The following IGSF3 variants were observed in gnomAD, a reference collection of about 807,000 sequenced individuals.
IGSF3 encodes the protein glu-Trp-Ile EWI motif-containing protein 3.
A neutral mutation model predicts 114.4 loss-of-function variants in IGSF3; 23 were observed. That is an observed-to-expected ratio of 0.20 (90% CI 0.14 to 0.28). The LOEUF is 0.28. IGSF3 is among the 10% of genes least tolerant of loss of function. The pLI is 1.00. For missense variants in IGSF3, 1,172 were observed against 1,591.5 expected, an observed-to-expected ratio of 0.74 and a Z score of 4.48; for synonymous variants, 571 against 645.2, an observed-to-expected ratio of 0.88 and a Z score of 1.74.
chr1:116,639,996 C>T (rs1354065697), intron 2 of IGSF3, among the ~76,000 whole-genome samples: 1 of 141,710 alleles, frequency 7.1e-6, no homozygotes, highest in Non-Finnish European at 1.5e-5. Context: ...GCCGAGATGG[C>T]ACCGCGGCAC....
rs1557861722 is a variant in IGSF3, at chr1:116,594,199, G to A, written c.2030-5095C>T. Among the ~76,000 whole-genome samples the A allele has an allele frequency of 2.0e-5, 3 of 152,138 alleles. No homozygotes were observed. Among genetic ancestry groups the A allele is most frequent in the Admixed American group, 6.5e-5 (1 of 15,274 alleles). ...CTGTCAGTGTGCATTTAGAGACAGC[G>A]TTGACTGTGACTGTGCCTCCTAGCA... On this transcript the variant is annotated intron_variant, in intron 7 of 10. Coordinates refer to ENST00000369486, the MANE Select transcript of IGSF3 (RefSeq NM_001007237.3). This position sits in a 1 kb window ranked among gnomAD's most constrained non-coding sequence, Gnocchi z 5.2.
chr1:116,595,582 A>C lies in IGSF3; in HGVS notation c.2029+4359T>G, dbSNP rs546424955. ...CAGAGGGTATTAAATATTCATCCTG[A>C]CTGCCCATCAGTAAAATCCCAGCAG... On this transcript the variant is annotated intron_variant, in intron 7 of 10. Coordinates refer to ENST00000369486, the MANE Select transcript of IGSF3 (RefSeq NM_001007237.3). This position sits in a 1 kb window ranked among gnomAD's most constrained non-coding sequence, Gnocchi z 4.2. 6.6e-6 allele frequency among the ~76,000 whole-genome samples: 1 copy of C among 152,334 alleles called. No homozygotes were observed. The highest frequency in any genetic ancestry group is 2.1e-4 in the South Asian group (1 of 4,830).
rs1259463627 is a variant in IGSF3, at chr1:116,576,993, T to C, written c.*319A>G. 3.5e-6 allele frequency: 1 copy of C among 288,332 alleles called. No individual in the cohort carries two copies. The highest frequency in any genetic ancestry group is 5.3e-5 in the South Asian group (1 of 18,754). 17.9% of individuals were successfully genotyped at this position (288,332 alleles called of 1,614,324 possible). A position where few individuals can be genotyped will look rare whatever the true frequency, so the allele number is the denominator to read the frequency against. Reference sequence around the variant, plus strand: ...GTACATTACAAAGAATAAGAAGCCCTGTAACATCTATCTGAGAATACTAGA... The same window carrying C: ...GTACATTACAAAGAATAAGAAGCCCCGTAACATCTATCTGAGAATACTAGA... On this transcript the variant is annotated 3_prime_UTR_variant, in exon 11 of 11. Coordinates refer to ENST00000369486, the MANE Select transcript of IGSF3 (RefSeq NM_001007237.3). The surrounding 1 kb of genome is among the most constrained non-coding windows in gnomAD (Gnocchi z 4.6).
At position 116,577,519 on chromosome 1, in the gene IGSF3, G is replaced by T. The variant is rs777428801; in HGVS notation, c.3378C>A (p.Phe1126Leu). 7 of 1,614,062 alleles carry T rather than the reference G, an allele frequency of 4.3e-6. No individual in the cohort carries two copies. In the South Asian group the frequency reaches 7.7e-5, roughly 18 times the overall value. Reference sequence around the variant, plus strand: ...GGAAAGGGTAGAAGAAGACGAAGTAGAAGAGTGCGTCGTTGGAGCAGATGA... The same window carrying T: ...GGAAAGGGTAGAAGAAGACGAAGTATAAGAGTGCGTCGTTGGAGCAGATGA... ...QSIICSNDAL[F>L]YFVFFYPFPI... The change falls in exon 11 of 11, where the codon TTC (phenylalanine) becomes TTA (leucine). Residue 1126 changes from phenylalanine to leucine, a missense_variant. Coordinates refer to ENST00000369486, the MANE Select transcript of IGSF3 (RefSeq NM_001007237.3). The surrounding 1 kb of genome is among the most constrained non-coding windows in gnomAD (Gnocchi z 5.7).
chr1:116,633,208 TC>T lies in IGSF3; in HGVS notation c.44-16752del, dbSNP rs956683109. Among the ~76,000 whole-genome samples the T allele has an allele frequency of 4.6e-5, 7 of 152,186 alleles. No individual in the cohort carries two copies. The highest frequency in any genetic ancestry group is 1.7e-4 in the African/African-American group (7 of 41,456). On this transcript the variant is annotated intron_variant, in intron 2 of 10. Coordinates refer to ENST00000369486, the MANE Select transcript of IGSF3 (RefSeq NM_001007237.3). The surrounding 1 kb of genome is among the most constrained non-coding windows in gnomAD (Gnocchi z 4.3). Reference sequence around the variant, plus strand: ...TCCTACATTCCAGCCATTTGGGATGTCCTGGGTTCAACCATTCCCACCCACT... The same window carrying T: ...TCCTACATTCCAGCCATTTGGGATGTCTGGGTTCAACCATTCCCACCCACT...
intron 2 of IGSF3, among the ~76,000 whole-genome samples, chr1:116,630,168 G>C (rs1647492071): frequency 1.3e-5 from 2 of 152,206 alleles, no homozygotes; most frequent in Non-Finnish European, 2.9e-5. Flanking sequence ...CTCTGACAAA[G>C]CAGTGATGGT....
Position 116,594,213 on chromosome 1 carries a change from T to TGCCTCC in IGSF3, c.2030-5115_2030-5110dup, listed in dbSNP as rs1478093195. On this transcript the variant is annotated intron_variant, in intron 7 of 10. Transcript: ENST00000369486. The surrounding 1 kb of genome is among the most constrained non-coding windows in gnomAD (Gnocchi z 5.2). Reference sequence around the variant, plus strand: ...TTAGAGACAGCGTTGACTGTGACTGTGCCTCCTAGCATAGCTGTCCTGAGC... The same window carrying TGCCTCC: ...TTAGAGACAGCGTTGACTGTGACTGTGCCTCCGCCTCCTAGCATAGCTGTCCTGAGC... Among the ~76,000 whole-genome samples, 1 of 152,192 alleles carries TGCCTCC rather than the reference T, an allele frequency of 6.6e-6. No individual in the cohort carries two copies.
chr1:116,617,516 T>C (rs997077899), intron 2 of IGSF3, among the ~76,000 whole-genome samples: 1 of 152,182 alleles, frequency 6.6e-6, no homozygotes, highest in African/African-American at 2.4e-5. Flanking sequence ...TCTCCAGACC[T>C]TGATCTTCTC....
In IGSF3 at chr1:116,585,808, G is replaced by A. The variant is rs1659819796; in HGVS notation, c.2441-756C>T. 6.6e-6 allele frequency among the ~76,000 whole-genome samples: 1 copy of A among 152,132 alleles called. No homozygotes were observed. Among genetic ancestry groups the A allele is most frequent in the African/African-American group, 2.4e-5 (1 of 41,436 alleles). ...GTGGTGGTGTGCGCCTGTAATCCCA[G>A]CTACTCGGGAGGTGAAGGTTGCAGT... On this transcript the variant is annotated intron_variant, in intron 8 of 10. Coordinates refer to ENST00000369486, the MANE Select transcript of IGSF3 (RefSeq NM_001007237.3). This position sits in a 1 kb window ranked among gnomAD's most constrained non-coding sequence, Gnocchi z 4.9.
At chr1:116,660,006 A>G (rs1229701274) in intron 2 of IGSF3, among the ~76,000 whole-genome samples, 2 of 152,180 alleles carry the variant, frequency 1.3e-5, no homozygotes, top group Non-Finnish European at 2.9e-5. Flanking sequence ...AGCAACTGGG[A>G]CTGCTTCCTC....
chr1:116,632,842 A>G lies in IGSF3; in HGVS notation c.44-16385T>C, dbSNP rs1647652202. 6.6e-6 allele frequency among the ~76,000 whole-genome samples: 1 copy of G among 152,206 alleles called. No homozygotes were observed. The highest frequency in any genetic ancestry group is 1.5e-5 in the Non-Finnish European group (1 of 68,036). ...GGCCACAGAGAGAAAGGGGTTTTGA[A>G]AAAGTTCTAAATCTCCATGGCTAGG... On this transcript the variant is annotated intron_variant, in intron 2 of 10. Coordinates refer to ENST00000369486, the MANE Select transcript of IGSF3 (RefSeq NM_001007237.3). This position sits in a 1 kb window ranked among gnomAD's most constrained non-coding sequence, Gnocchi z 5.1.
Position 116,574,880 on chromosome 1 carries a change from G to A in IGSF3, c.*2432C>T, listed in dbSNP as rs1659275447. ...AAGGTCCTGGGGTTTTTCATAGAAAGCTCAAAAAGTTCAACCTTTGATGCT... is the reference window on the plus strand; with the variant it reads ...AAGGTCCTGGGGTTTTTCATAGAAAACTCAAAAAGTTCAACCTTTGATGCT... On this transcript the variant is annotated 3_prime_UTR_variant, in exon 11 of 11. Transcript: ENST00000369486. This position sits in a 1 kb window ranked among gnomAD's most constrained non-coding sequence, Gnocchi z 5.2. 6.6e-6 allele frequency: 1 copy of A among 152,602 alleles called. No homozygotes were observed. The highest frequency in any genetic ancestry group is 1.5e-5 in the Non-Finnish European group (1 of 68,024). The allele number at this position is 152,602 out of a possible 1,614,324, so 9.5% of individuals were successfully genotyped here.
chr1:116,584,577 T>G lies in IGSF3; in HGVS notation c.2848+68A>C. 6.9e-7 allele frequency: 1 copy of G among 1,440,264 alleles called. No individual in the cohort carries two copies. The highest frequency in any genetic ancestry group is 9.7e-7 in the Non-Finnish European group (1 of 1,028,122). The allele number at this position is 1,440,264 out of a possible 1,614,324, so 89.2% of individuals were successfully genotyped here. A position where few individuals can be genotyped will look rare whatever the true frequency, so the allele number is the denominator to read the frequency against. On this transcript the variant is annotated intron_variant, in intron 9 of 10. Coordinates refer to ENST00000369486, the MANE Select transcript of IGSF3 (RefSeq NM_001007237.3). The surrounding 1 kb of genome is among the most constrained non-coding windows in gnomAD (Gnocchi z 5.8). ...TTATTAATAAACTAATTTTATCCAG[T>G]GCATAAAACAGTATACTTAAATGGG... is the stretch of plus-strand genomic sequence containing the variant.
chr1:116,616,764 T>C lies in IGSF3; in HGVS notation c.44-307A>G, dbSNP rs1661233684. On this transcript the variant is annotated intron_variant, in intron 2 of 10. Transcript: ENST00000369486. The surrounding 1 kb of genome is among the most constrained non-coding windows in gnomAD (Gnocchi z 6.6). ...GTTTGTCATTTATATGGCAGTTTTA[T>C]ATCTATTTATTAATGCTGTGTATGA... 6.6e-6 allele frequency among the ~76,000 whole-genome samples: 1 copy of C among 152,242 alleles called. No homozygotes were observed. The highest frequency in any genetic ancestry group is 1.5e-5 in the Non-Finnish European group (1 of 68,050).
At chr1:116,613,160 G>A (rs1381310370) in intron 4 of IGSF3, among the ~76,000 whole-genome samples, 1 of 152,196 alleles carries the variant, frequency 6.6e-6, no homozygotes, top group Non-Finnish European at 1.5e-5. Context: ...CTGCAAAATA[G>A]GAGTACTACC....
rs947434081 is a variant in IGSF3, at chr1:116,657,984, G to A, written c.43+8300C>T. ...GGAAGCAGGCATTACTCATTTCTCC[G>A]AGTTCACAGTTTTGTTAGAATGTCT... On this transcript the variant is annotated intron_variant, in intron 2 of 10. Transcript: ENST00000369486. This position sits in a 1 kb window ranked among gnomAD's most constrained non-coding sequence, Gnocchi z 4.2. Among the ~76,000 whole-genome samples the A allele has an allele frequency of 1.3e-5, 2 of 151,576 alleles. No individual in the cohort carries two copies. The highest frequency in any genetic ancestry group is 2.9e-5 in the Non-Finnish European group (2 of 67,952).
rs577658519 is a variant in IGSF3 at position 116,628,724 on chromosome 1, G to A, written c.44-12267C>T. ...CGTGTTACGTATGATAATAATGGAT[G>A]GCCGCTCCTTCCCCCTCAGCTTTGA... On this transcript the variant is annotated intron_variant, in intron 2 of 10. Coordinates refer to ENST00000369486, the MANE Select transcript of IGSF3 (RefSeq NM_001007237.3). The surrounding 1 kb of genome is among the most constrained non-coding windows in gnomAD (Gnocchi z 4.2). Among the ~76,000 whole-genome samples, 2 of 152,314 alleles carry A rather than the reference G, an allele frequency of 1.3e-5. No homozygotes were observed. The highest frequency in any genetic ancestry group is 6.5e-5 in the Admixed American group (1 of 15,308).
rs568006866 is a variant in IGSF3 at position 116,595,643 on chromosome 1, G to C, written c.2029+4298C>G. Among the ~76,000 whole-genome samples the C allele has an allele frequency of 6.6e-6, 1 of 152,326 alleles. No individual in the cohort carries two copies. Among genetic ancestry groups the C allele is most frequent in the African/African-American group, 2.4e-5 (1 of 41,566 alleles). On this transcript the variant is annotated intron_variant, in intron 7 of 10. Transcript: ENST00000369486. This position sits in a 1 kb window ranked among gnomAD's most constrained non-coding sequence, Gnocchi z 4.2. ...CTGACAAGTCGGCTTTCCACCACTA[G>C]AGGCTGTCCTCATGGAAGCTTGTTT... is the stretch of plus-strand genomic sequence containing the variant.
intron 2 of IGSF3, among the ~76,000 whole-genome samples, chr1:116,640,178 T>G (rs1309160711): frequency 1.3e-5 from 2 of 152,150 alleles, no homozygotes; most frequent in Non-Finnish European, 2.9e-5. Flanking sequence ...CAGCAGCCAT[T>G]GCAAGTTTAT....
Sources: allele counts gnomAD v4.1 joint callset (sites outside exome capture counted in the v4.1 genomes callset), GRCh38; gene constraint gnomAD v4.1.1; non-coding constraint Gnocchi (gnomAD v3.1); transcripts MANE v1.5; gene names NCBI Gene and HGNC (gene_info 2026-07-23, HGNC 2026-07-21).